MCM5: variants seen among roughly 807,000 people sequenced by gnomAD.
MCM5 encodes the protein DNA replication licensing factor MCM5.
In MCM5, 46 loss-of-function variants were observed where a neutral mutation model predicts 79.9. The observed-to-expected ratio is 0.58, with a 90% CI of 0.45 to 0.74. The LOEUF (loss-of-function observed/expected upper bound fraction) is 0.74, where lower values mean the gene tolerates loss of function less well. Among genes scored for constraint, MCM5 ranks in the 30% least tolerant of loss-of-function variants. MCM5 has a pLI of 0.00. For synonymous variants in MCM5, 404 were observed against 390.5 expected, an observed-to-expected ratio of 1.03 and a Z score of -0.41; for missense variants, 883 against 1,017.0, an observed-to-expected ratio of 0.87 and a Z score of 1.79.
At chr22:35,414,259 G>A (rs990465318) in intron 9 of MCM5, among the ~76,000 whole-genome samples, 1 of 152,164 alleles carries the variant, frequency 6.6e-6, no homozygotes, top group African/African-American at 2.4e-5. Context: ...TGGGCTTTGA[G>A]TAAGTCACCC....
At position 35,403,273 on chromosome 22, in the gene MCM5, C is replaced by T; in HGVS notation, c.234C>T (p.Ala78=). The change falls in exon 3 of 17, where the codon GCC becomes GCT. Residue 78 remains alanine, a synonymous_variant. Coordinates refer to ENST00000216122, the MANE Select transcript of MCM5 (RefSeq NM_006739.4). ...YWIEVEMEDL[A]SFDEDLADYL... The stretch of plus-strand genomic sequence containing the variant: ...TTGAGGTGGAGATGGAGGATCTGGC[C>T]AGCTTTGATGAGGACCTGGCCGACT... 1 of 1,614,132 alleles carries T rather than the reference C, an allele frequency of 6.2e-7. No homozygotes were observed. Among genetic ancestry groups the T allele is most frequent in the East Asian group, 2.2e-5 (1 of 44,874 alleles).
chr22:35,412,790 C>A (rs1932425505), intron 8 of MCM5, 109 bp downstream of exon 8: 2 of 996,504 alleles, frequency 2.0e-6, no homozygotes, highest in Non-Finnish European at 2.6e-6. Context: ...ATTTCCTGGG[C>A]CCCTCAGTCT....
At chr22:35,442,315 G>A in the MCM5 span, among the ~76,000 whole-genome samples, 1 of 151,836 alleles carries the variant, frequency 6.6e-6, no homozygotes, top group Non-Finnish European at 1.5e-5. Flanking sequence ...TTCGGCCTAG[G>A]GGGCCGACAT....
At chr22:35,418,113 C>G (rs2145798151) in intron 13 of MCM5, among the ~76,000 whole-genome samples, 1 of 152,264 alleles carries the variant, frequency 6.6e-6, no homozygotes, top group Admixed American at 6.5e-5. Context: ...GTCTGACATG[C>G]AGGGAGGCAG....
At chr22:35,438,738 T>C in the MCM5 span, among the ~76,000 whole-genome samples, 1 of 132,970 alleles carries the variant, frequency 7.5e-6, no homozygotes, top group Non-Finnish European at 1.6e-5. Context: ...CATCCACATA[T>C]TCATCCATTC....
At chr22:35,402,177 A>G (rs1188497558) in intron 2 of MCM5, among the ~76,000 whole-genome samples, 1 of 152,114 alleles carries the variant, frequency 6.6e-6, no homozygotes, top group Non-Finnish European at 1.5e-5. Context: ...GCTGATGCCA[A>G]TGGATCATTT....
chr22:35,442,467 C>T, the MCM5 span, among the ~76,000 whole-genome samples: 1 of 152,170 alleles, frequency 6.6e-6, no homozygotes, highest in African/African-American at 2.4e-5. Flanking sequence ...ATCAGCCTCA[C>T]CGGGCTACAG....
At chr22:35,423,363 G>A in intron 16 of MCM5, 22 bp downstream of exon 16, 1 of 1,574,698 alleles carries the variant, frequency 6.4e-7, no homozygotes, top group Non-Finnish European at 8.7e-7. Flanking sequence ...TTGGAGTGGG[G>A]GTGTGAGCCG....
the MCM5 span, among the ~76,000 whole-genome samples, chr22:35,449,456 C>G: frequency 6.6e-6 from 1 of 152,084 alleles, no homozygotes; most frequent in Non-Finnish European, 1.5e-5. Context: ...CCAGCCATGG[C>G]CTCTTTTTCC....
At chr22:35,435,383 G>A in the MCM5 span, among the ~76,000 whole-genome samples, 2 of 152,158 alleles carry the variant, frequency 1.3e-5, no homozygotes, top group Non-Finnish European at 2.9e-5. Context: ...GGACTTGGTG[G>A]GACAGCATGT....
chr22:35,450,315 G>A, the MCM5 span, among the ~76,000 whole-genome samples: 8 of 82,390 alleles, frequency 9.7e-5, no homozygotes, highest in East Asian at 1.2e-3. Context: ...CTGCAGAACA[G>A]GGGGAAGGAA....
Position 35,424,439 on chromosome 22 carries a change from A to G in MCM5, c.*184A>G. ...CTGCTGCCTCTGGGCGCCCGCCTCT[A>G]GCGCGGTTCTGGGAAGTGTGCTTTT... On this transcript the variant is annotated 3_prime_UTR_variant, in exon 17 of 17. Coordinates refer to ENST00000216122, the MANE Select transcript of MCM5 (RefSeq NM_006739.4). 1 of 551,194 alleles carries G rather than the reference A, an allele frequency of 1.8e-6. No homozygotes were observed. 34.1% of individuals were successfully genotyped at this position (551,194 alleles called of 1,614,324 possible). A position where few individuals can be genotyped will look rare whatever the true frequency, so the allele number is the denominator to read the frequency against.
At chr22:35,404,490 C>A (rs894338589) in intron 4 of MCM5, among the ~76,000 whole-genome samples, 1 of 152,016 alleles carries the variant, frequency 6.6e-6, no homozygotes, top group African/African-American at 2.4e-5. Context: ...CCTTCCCCCC[C>A]GTGATTTTTG....
chr22:35,444,407 C>T, the MCM5 span, among the ~76,000 whole-genome samples: 5 of 152,174 alleles, frequency 3.3e-5, no homozygotes, highest in Non-Finnish European at 5.9e-5. Flanking sequence ...CTGTCTGCAG[C>T]CAGCTGCTCT....
chr22:35,443,640 C>T, the MCM5 span, among the ~76,000 whole-genome samples: 1 of 152,212 alleles, frequency 6.6e-6, no homozygotes, highest in Non-Finnish European at 1.5e-5. Context: ...CTCACCTTTC[C>T]ACCTTTCCAA....
At chr22:35,446,267 G>A in the MCM5 span, among the ~76,000 whole-genome samples, 3 of 152,114 alleles carry the variant, frequency 2.0e-5, no homozygotes, top group Non-Finnish European at 2.9e-5. Flanking sequence ...AGGGTGTTGC[G>A]GGGAGAGGTG....
At chr22:35,405,813 C>T (rs4645756) in intron 4 of MCM5, among the ~76,000 whole-genome samples, 85,953 of 151,394 alleles carry the variant, frequency 0.57, 24,722 homozygotes, top group Middle Eastern at 0.61. Flanking sequence ...AGTTCGAGAC[C>T]AGCCTGGCCA....
chr22:35,422,524 C>T (rs1434769306), intron 15 of MCM5: 3 of 152,360 alleles, frequency 2.0e-5, no homozygotes, highest in Non-Finnish European at 2.9e-5. Flanking sequence ...AAGACTCAGC[C>T]TCTACCCTGG....
At chr22:35,410,137 A>T (rs1364424607) in intron 6 of MCM5, 1 of 158,202 alleles carries the variant, frequency 6.3e-6, no homozygotes, top group East Asian at 1.8e-4. Flanking sequence ...CCCTAGGCTC[A>T]GAGGTGCAAT....
Sources: allele counts gnomAD v4.1 joint callset (sites outside exome capture counted in the v4.1 genomes callset), GRCh38; gene constraint gnomAD v4.1.1; transcripts MANE v1.5; gene names NCBI Gene and HGNC (gene_info 2026-07-23, HGNC 2026-07-21).